Variants in GABRB3 observed in about 807,000 individuals in gnomAD.
GABRB3 encodes gamma-aminobutyric acid receptor subunit beta-3.
A neutral mutation model predicts 52.1 loss-of-function variants in GABRB3; 14 were observed. The ratio of observed to expected loss-of-function variants is 0.27; its 90% CI spans 0.18 to 0.42. GABRB3 has a LOEUF of 0.42. Ranked by LOEUF, GABRB3 falls within the 10% of genes least tolerant of loss-of-function variation. The pLI, the probability that GABRB3 is intolerant of heterozygous loss-of-function variation, is 1.00. For missense variants in GABRB3, 307 were observed against 609.1 expected (o/e 0.50, Z 5.22); for synonymous variants, 260 against 232.3 (o/e 1.12, Z -1.08).
chr15:26,576,782 C>G lies in GABRB3; in HGVS notation c.682+3537G>C, dbSNP rs111305796. 3.3e-5 allele frequency among the ~76,000 whole-genome samples: 5 copies of G among 152,250 alleles called. 1 individual carries two copies. Among genetic ancestry groups the G allele is most frequent in the South Asian group, 2.1e-4 (1 of 4,822 alleles). The stretch of plus-strand genomic sequence containing the variant: ...GACATAGAGGCCATCAAGAAGGGGG[C>G]CACAATAAACCTCCTACAGCTTGGG... On this transcript the variant is annotated intron_variant, in intron 6 of 8. Coordinates refer to ENST00000311550, the MANE Select transcript of GABRB3 (RefSeq NM_000814.6).
Position 26,751,506 on chromosome 15 carries a change from T to A in GABRB3, c.240+20896A>T, listed in dbSNP as rs111604762. Among the ~76,000 whole-genome samples the A allele has an allele frequency of 7.9e-3, 1,209 of 152,254 alleles. 21 individuals are homozygous for A. The highest frequency in any genetic ancestry group is 0.026 in the African/African-American group (1,101 of 41,556). On this transcript the variant is annotated intron_variant, in intron 3 of 8. Coordinates refer to ENST00000311550, the MANE Select transcript of GABRB3 (RefSeq NM_000814.6). The stretch of plus-strand genomic sequence containing the variant: ...ACACAGAAGATCATGAGATAAAGAA[T>A]CTGAAAGTAACCACCTCCACTGCCT...
chr15:26,708,008 T>C (rs1889160985), intron 3 of GABRB3, among the ~76,000 whole-genome samples: 1 of 152,184 alleles, frequency 6.6e-6, no homozygotes, highest in Admixed American at 6.5e-5. Flanking sequence ...CCAGTGAGCA[T>C]TTCCTTTGAG....
At chr15:26,768,398 A>G (rs1891054443) in intron 3 of GABRB3, among the ~76,000 whole-genome samples, 1 of 152,240 alleles carries the variant, frequency 6.6e-6, no homozygotes, top group Non-Finnish European at 1.5e-5. Context: ...CCAAATTAAC[A>G]GATCAAACAA....
chr15:26,691,799 G>C (rs952740061), intron 3 of GABRB3, among the ~76,000 whole-genome samples: 1 of 151,500 alleles, frequency 6.6e-6, no homozygotes, highest in African/African-American at 2.4e-5. Context: ...AGAAAGAAAG[G>C]CCTTGCTAGT....
intron 3 of GABRB3, among the ~76,000 whole-genome samples, chr15:26,746,480 T>G (rs1890342699): frequency 6.6e-6 from 1 of 152,168 alleles, no homozygotes; most frequent in East Asian, 1.9e-4. Flanking sequence ...TGAATCATGC[T>G]TTTGGTGTTA....
intron 3 of GABRB3, among the ~76,000 whole-genome samples, chr15:26,696,193 ATAAAG>A (rs898114641): frequency 4.6e-5 from 7 of 152,144 alleles, no homozygotes; most frequent in Non-Finnish European, 5.9e-5. Context: ...ACACATACTG[ATAAAG>A]TAAACAGTGC....
chr15:26,578,446 T>C (rs953420162), intron 6 of GABRB3, among the ~76,000 whole-genome samples: 1 of 152,188 alleles, frequency 6.6e-6, no homozygotes, highest in Non-Finnish European at 1.5e-5. Flanking sequence ...CACATACCTG[T>C]AGTGCCTATT....
At chr15:26,749,071 G>T (rs559176762) in intron 3 of GABRB3, among the ~76,000 whole-genome samples, 1 of 151,924 alleles carries the variant, frequency 6.6e-6, no homozygotes, top group Admixed American at 6.6e-5. Flanking sequence ...TCATCTGCTT[G>T]GTTTGGGTTT....
intron 3 of GABRB3, among the ~76,000 whole-genome samples, chr15:26,663,340 A>G (rs1432626572): frequency 6.6e-6 from 1 of 152,184 alleles, no homozygotes. Context: ...GAAATCTCCA[A>G]CTATAATTGT....
intron 4 of GABRB3, among the ~76,000 whole-genome samples, chr15:26,611,051 T>A (rs1177491926): frequency 1.3e-5 from 2 of 152,232 alleles, no homozygotes; most frequent in South Asian, 4.1e-4. Context: ...AAAATACCCA[T>A]GTATTTAACC....
intron 8 of GABRB3, among the ~76,000 whole-genome samples, chr15:26,550,540 T>G (rs1012465398): frequency 2.0e-5 from 3 of 152,120 alleles, no homozygotes; most frequent in Non-Finnish European, 2.9e-5. Context: ...ACACCATTGG[T>G]GGGAATATAA....
chr15:26,621,023 G>A lies in GABRB3; in HGVS notation c.461+291C>T, dbSNP rs117027768. ...ATTAATTACAGGCCTCTGTGGCTAT[G>A]ATATGGAAAATCCATCCTGAGGGAA... On this transcript the variant is annotated intron_variant, in intron 4 of 8. Transcript: ENST00000311550. The surrounding 1 kb of genome is among the most constrained non-coding windows in gnomAD (Gnocchi z 4.1). Among the ~76,000 whole-genome samples, 765 of 152,254 alleles carry A rather than the reference G, an allele frequency of 5.0e-3. 5 individuals are homozygous for A. Among genetic ancestry groups the A allele is most frequent in the Middle Eastern group, 0.01 (3 of 294 alleles).
At chr15:26,576,335 G>C (rs1876295331) in intron 6 of GABRB3, among the ~76,000 whole-genome samples, 1 of 152,058 alleles carries the variant, frequency 6.6e-6, no homozygotes. Context: ...AATGTTTTCA[G>C]AAAAATACAG....
intron 3 of GABRB3, among the ~76,000 whole-genome samples, chr15:26,626,974 A>G (rs559330414): frequency 6.6e-6 from 1 of 152,304 alleles, no homozygotes; most frequent in East Asian, 1.9e-4. Flanking sequence ...AAAGAGAAGA[A>G]GTCATTGTCT....
intron 3 of GABRB3, among the ~76,000 whole-genome samples, chr15:26,683,779 TATACACTCTC>T (rs571343053): frequency 2.3e-3 from 348 of 152,164 alleles, no homozygotes; most frequent in Admixed American, 6.0e-3. Flanking sequence ...TATATAGGAT[TATACACTCTC>T]ATACACTCAT....
chr15:26,550,453 C>T (rs953080205), intron 8 of GABRB3, among the ~76,000 whole-genome samples: 5 of 152,076 alleles, frequency 3.3e-5, no homozygotes, highest in Admixed American at 6.5e-5. Context: ...ATCATCTCAC[C>T]GCAGTTAGAA....
At chr15:26,639,048 C>T (rs940791112) in intron 3 of GABRB3, among the ~76,000 whole-genome samples, 2 of 152,080 alleles carry the variant, frequency 1.3e-5, no homozygotes, top group East Asian at 1.9e-4. Context: ...CATGTCAACA[C>T]CTGACATGAC....
At chr15:26,558,987 T>G (rs1397854589) in intron 8 of GABRB3, among the ~76,000 whole-genome samples, 1 of 152,152 alleles carries the variant, frequency 6.6e-6, no homozygotes, top group East Asian at 1.9e-4. Flanking sequence ...AAACTTATAA[T>G]CATGGCAGAA....
chr15:26,773,600 G>T, upstream of GABRB3: 1 of 1,486,530 alleles, frequency 6.7e-7, no homozygotes, highest in Non-Finnish European at 9.1e-7. Context: ...GCGGGCCGCC[G>T]CCTCCCGACG....
Sources: allele counts gnomAD v4.1 joint callset (sites outside exome capture counted in the v4.1 genomes callset), GRCh38; gene constraint gnomAD v4.1.1; non-coding constraint Gnocchi (gnomAD v3.1); transcripts MANE v1.5; gene names NCBI Gene and HGNC (gene_info 2026-07-23, HGNC 2026-07-21).